PKD1L3: variants seen among roughly 807,000 people sequenced by gnomAD.
PKD1L3 encodes polycystin 1 like 3, transient receptor potential channel interacting, also known as polycystin-1-like protein 3.
Under a neutral mutation model 184.1 loss-of-function variants are expected in PKD1L3, and 239 were observed. The ratio of observed to expected loss-of-function variants is 1.30; its 90% CI spans 1.17 to 1.45. The LOEUF is 1.45. Among genes scored for constraint, PKD1L3 ranks in the 40% most tolerant of loss-of-function variants. The pLI, the probability that PKD1L3 is intolerant of heterozygous loss-of-function variation, is 0.00. For missense variants in PKD1L3, 2,660 were observed against 2,067.2 expected, an observed-to-expected ratio of 1.29 and a Z score of -5.56; for synonymous variants, 996 against 778.8, an observed-to-expected ratio of 1.28 and a Z score of -4.64.
intron 24 of PKD1L3, among the ~76,000 whole-genome samples, chr16:71,941,955 A>G (rs182886044): frequency 1.2e-3 from 181 of 152,104 alleles, no homozygotes; most frequent in African/African-American, 4.0e-3. Flanking sequence ...GGGACTGGGA[A>G]TCAGCATGCC....
At chr16:71,979,111 A>C (rs2040048463) in intron 9 of PKD1L3, among the ~76,000 whole-genome samples, 1 of 152,204 alleles carries the variant, frequency 6.6e-6, no homozygotes, top group South Asian at 2.1e-4. Flanking sequence ...GGGTTGGTAT[A>C]CTGAGTCAAT....
intron 9 of PKD1L3, 43 bp downstream of exon 9, chr16:71,979,743 C>A: frequency 6.8e-7 from 1 of 1,464,110 alleles, no homozygotes; most frequent in Non-Finnish European, 9.0e-7. Context: ...ACATGGCCAT[C>A]AGATCCCATT....
chr16:71,977,699 G>A (rs1196801563), intron 10 of PKD1L3, among the ~76,000 whole-genome samples: 1 of 149,298 alleles, frequency 6.7e-6, no homozygotes, highest in Non-Finnish European at 1.5e-5. Flanking sequence ...GCCCAGCCAG[G>A]TCTTCCTCAT....
chr16:71,933,727 G>C (rs2038074161), intron 27 of PKD1L3, among the ~76,000 whole-genome samples, 188 bp downstream of exon 27: 1 of 152,148 alleles, frequency 6.6e-6, no homozygotes, highest in African/African-American at 2.4e-5. Flanking sequence ...TGTGAGCTAA[G>C]TTTTATCCCC....
intron 24 of PKD1L3, among the ~76,000 whole-genome samples, chr16:71,941,545 G>A (rs1451602209): frequency 6.7e-6 from 1 of 149,564 alleles, no homozygotes; most frequent in African/African-American, 2.5e-5. Context: ...AGAACTTAAG[G>A]TCACGTTTCC....
At chr16:71,978,510 TATATATATATACATAC>T (rs1217226400) in intron 9 of PKD1L3, 127 bp from the exon 10 acceptor site, 6 of 153,542 alleles carry the variant, frequency 3.9e-5, no homozygotes, top group African/African-American at 2.0e-4. Flanking sequence ...TATATATATA[TATATATATATACATAC>T]ATACATACAT....
intron 19 of PKD1L3, 142 bp from the exon 20 acceptor site, chr16:71,950,452 C>T (rs557194106): frequency 1.5e-6 from 1 of 679,604 alleles, no homozygotes; most frequent in Non-Finnish European, 2.4e-6. Context: ...CCCACATTTG[C>T]AGTACTACCA....
At position 71,929,574 on chromosome 16, in the gene PKD1L3, C is replaced by T. The variant is rs2037843290; in HGVS notation, c.5163G>A (p.Val1721=). The T allele has an allele frequency of 6.4e-7, 1 of 1,551,392 alleles. No individual in the cohort carries two copies. Among genetic ancestry groups the T allele is most frequent in the Non-Finnish European group, 8.7e-7 (1 of 1,146,922 alleles). Residue 1721 remains valine, a synonymous_variant, in exon 30 of 30, where the codon GTG becomes GTA. Coordinates refer to ENST00000620267, the MANE Select transcript of PKD1L3 (RefSeq NM_181536.2). ...TSSEQAATTA[V]GSDTEVLDEL... Reference sequence around the variant, plus strand: ...CATCTAAAACTTCAGTGTCACTGCCCACTGCTGTCGTGGCTGCTTGCTCAG... The same window carrying T: ...CATCTAAAACTTCAGTGTCACTGCCTACTGCTGTCGTGGCTGCTTGCTCAG...
intron 16 of PKD1L3, among the ~76,000 whole-genome samples, chr16:71,957,801 A>G (rs1240903876): frequency 6.6e-6 from 1 of 152,188 alleles, no homozygotes; most frequent in African/African-American, 2.4e-5. Context: ...GCAATCAAAA[A>G]AGGGCTGGAG....
chr16:71,941,713 T>C (rs1446368312), intron 24 of PKD1L3, among the ~76,000 whole-genome samples: 1 of 150,940 alleles, frequency 6.6e-6, no homozygotes, highest in Non-Finnish European at 1.5e-5. Flanking sequence ...GCCTCCCGAA[T>C]AGTTGGGACT....
At position 71,977,483 on chromosome 16, in the gene PKD1L3, G is replaced by C. The variant is rs370162828; in HGVS notation, c.1528-16C>G. On this transcript the variant is annotated splice_polypyrimidine_tract_variant and intron_variant, in intron 10 of 29. Transcript: ENST00000620267. ...AGAGCATGATCTAGAATAAGAGACA[G>C]TTAATCATTATAATGGTCCATCCAT... 6.0e-6 allele frequency: 9 copies of C among 1,496,924 alleles called. No individual in the cohort carries two copies. The highest frequency in any genetic ancestry group is 4.8e-5 in the South Asian group (4 of 83,074). The allele number at this position is 1,496,924 out of a possible 1,614,324, so 92.7% of individuals were successfully genotyped here.
chr16:71,935,878 C>G (rs1304189254), intron 25 of PKD1L3, among the ~76,000 whole-genome samples: 1 of 152,184 alleles, frequency 6.6e-6, no homozygotes, highest in African/African-American at 2.4e-5. Flanking sequence ...CAGCCTCAAC[C>G]TCCCAGGCTC....
At chr16:71,954,461 T>C (rs927514607) in intron 16 of PKD1L3, among the ~76,000 whole-genome samples, 160 bp from the exon 17 acceptor site, 2 of 152,246 alleles carry the variant, frequency 1.3e-5, no homozygotes, top group African/African-American at 4.8e-5. Flanking sequence ...CTTTTTTTAT[T>C]TTAAATTCTT....
intron 26 of PKD1L3, among the ~76,000 whole-genome samples, chr16:71,934,664 T>C (rs1423078117): frequency 6.6e-6 from 1 of 152,180 alleles, no homozygotes; most frequent in Non-Finnish European, 1.5e-5. Context: ...CATTCATAAT[T>C]TTAGGTTGCA....
Position 71,970,078 on chromosome 16 carries a change from T to A in PKD1L3, c.1981A>T (p.Thr661Ser), listed in dbSNP as rs2039654458. 1.3e-6 allele frequency: 2 copies of A among 1,551,568 alleles called. No homozygotes were observed. Among genetic ancestry groups the A allele is most frequent in the East Asian group, 2.4e-5 (1 of 40,932 alleles). ...QVGPQSTILR[T>S]QCLCNHLTFF... ...GTCAGGTGGTTACAGAGACACTGTGTCCTCAGAATTGTGCTCTGTGGCCCA... is the reference window on the plus strand; with the variant it reads ...GTCAGGTGGTTACAGAGACACTGTGACCTCAGAATTGTGCTCTGTGGCCCA... The change falls in exon 13 of 30, where the codon ACA (threonine) becomes TCA (serine). Residue 661 changes from threonine (T) to serine (S), a missense_variant. Thr to Ser is a moderately conservative substitution (Grantham distance 58, BLOSUM62 1). Transcript: ENST00000620267.
chr16:71,937,800 A>G (rs778792461), intron 24 of PKD1L3, among the ~76,000 whole-genome samples: 1 of 152,226 alleles, frequency 6.6e-6, no homozygotes, highest in Non-Finnish European at 1.5e-5. Flanking sequence ...AGTCATTTAC[A>G]TAAGGATGGA....
intron 22 of PKD1L3, among the ~76,000 whole-genome samples, chr16:71,945,373 C>T (rs1235104706): frequency 7.9e-5 from 4 of 50,352 alleles, no homozygotes; most frequent in African/African-American, 1.6e-4. Context: ...TATACACACA[C>T]GCACACACAC....
At chr16:71,974,233 G>C (rs1373319578) in intron 11 of PKD1L3, among the ~76,000 whole-genome samples, 1 of 152,282 alleles carries the variant, frequency 6.6e-6, no homozygotes, top group East Asian at 1.9e-4. Flanking sequence ...GCCTGGCTCT[G>C]TCACCAGCTG....
At chr16:71,994,286 C>T (rs1307057750) in intron 2 of PKD1L3, among the ~76,000 whole-genome samples, 1 of 152,154 alleles carries the variant, frequency 6.6e-6, no homozygotes, top group African/African-American at 2.4e-5. Context: ...TCTACTCAAC[C>T]TCCAACACCT....
Sources: allele counts gnomAD v4.1 joint callset (sites outside exome capture counted in the v4.1 genomes callset), GRCh38; gene constraint gnomAD v4.1.1; transcripts MANE v1.5; gene names NCBI Gene and HGNC (gene_info 2026-07-23, HGNC 2026-07-21).